Variants in TMPRSS6 observed in about 807,000 individuals in gnomAD.
TMPRSS6 encodes transmembrane serine protease 6.
In TMPRSS6, 67 loss-of-function variants were observed where a neutral mutation model predicts 101.5. The ratio of observed to expected loss-of-function variants is 0.66; its 90% CI spans 0.54 to 0.81. TMPRSS6 has a LOEUF of 0.81. Ranked by LOEUF, TMPRSS6 falls within the 30% of genes least tolerant of loss-of-function variation. TMPRSS6 has a pLI of 0.00. For synonymous variants in TMPRSS6, 453 were observed against 464.9 expected (o/e 0.97, Z 0.33); for missense variants, 1,034 against 1,088.7 (o/e 0.95, Z 0.71).
In TMPRSS6 at chr22:37,107,465, G is replaced by A. The variant is rs886267430; in HGVS notation, c.-2+2038C>T. On this transcript the variant is annotated intron_variant, in intron 1 of 17. Transcript: ENST00000676104. ...AAGCCTGTGGCCCTACCTTCCAAAT[G>A]CCCCCCAAAGCCAGCCCCTTCTTGG... Among the ~76,000 whole-genome samples the A allele has an allele frequency of 8.5e-5, 11 of 129,394 alleles. No homozygotes were observed. The East Asian group carries it at 2.0e-3, about 23-fold the overall frequency. 84.9% of individuals were successfully genotyped at this position (129,394 alleles called of 152,430 possible).
chr22:37,097,490 G>T (rs989502757), intron 3 of TMPRSS6, among the ~76,000 whole-genome samples: 2 of 152,232 alleles, frequency 1.3e-5, no homozygotes, highest in Non-Finnish European at 2.9e-5. Context: ...AAGAAGCTGC[G>T]GTATTGATCC....
chr22:37,106,191 C>A (rs1417741831), intron 1 of TMPRSS6, among the ~76,000 whole-genome samples: 2 of 152,102 alleles, frequency 1.3e-5, no homozygotes. Context: ...GCTAAGGTCA[C>A]ACAGCTGGTC....
intron 5 of TMPRSS6, 107 bp from the exon 6 acceptor site, chr22:37,095,699 T>C: frequency 1.5e-6 from 2 of 1,330,588 alleles, no homozygotes; most frequent in South Asian, 2.6e-5. Flanking sequence ...GCCAGCCTTG[T>C]CTGAGATTTA....
intron 9 of TMPRSS6, 108 bp from the exon 10 acceptor site, chr22:37,084,512 A>G (rs1928535519): frequency 2.2e-6 from 2 of 916,438 alleles, no homozygotes; most frequent in Non-Finnish European, 3.5e-6. Flanking sequence ...AGGTGGGGCT[A>G]AAGTCTGTCA....
In TMPRSS6 at chr22:37,070,630, G is replaced by A; in HGVS notation, c.1695C>T (p.Ser565=). Residue 565 remains serine (S), a synonymous_variant, in exon 15 of 18, where the codon TCC becomes TCT. Coordinates refer to ENST00000676104, the MANE Select transcript of TMPRSS6 (RefSeq NM_001374504.1). ...ACACAGCTCCACCAACAATGCGGCT[G>A]GAGGGGCCCTGGAGGCCACAGTCTG... The part of the protein sequence containing the change: ...EHCDCGLQGP[S]SRIVGGAVSS... 1 of 1,613,128 alleles carries A rather than the reference G, an allele frequency of 6.2e-7. No homozygotes were observed. The highest frequency in any genetic ancestry group is 8.5e-7 in the Non-Finnish European group (1 of 1,179,972).
intron 16 of TMPRSS6, among the ~76,000 whole-genome samples, chr22:37,067,504 G>T: frequency 6.6e-6 from 1 of 152,126 alleles, no homozygotes; most frequent in East Asian, 1.9e-4. Flanking sequence ...AAAAGCCCGT[G>T]TGGATGAGTG....
chr22:37,069,448 A>G lies in TMPRSS6; in HGVS notation c.1842-104T>C. On this transcript the variant is annotated intron_variant, in intron 15 of 17. Transcript: ENST00000676104. The surrounding 1 kb of genome is among the most constrained non-coding windows in gnomAD (Gnocchi z 4.8). ...AGATAGCCAGATCCCCGCCCGGGAC[A>G]GTGCCCTCCACACCCAGCCCTCCCT... 2 of 1,144,638 alleles carry G rather than the reference A, an allele frequency of 1.7e-6. No homozygotes were observed. The highest frequency in any genetic ancestry group is 2.5e-6 in the Non-Finnish European group (2 of 810,364). 70.9% of individuals were successfully genotyped at this position (1,144,638 alleles called of 1,614,324 possible).
chr22:37,106,295 GA>G (rs879756100), intron 1 of TMPRSS6, among the ~76,000 whole-genome samples: 4 of 152,060 alleles, frequency 2.6e-5, no homozygotes, highest in Non-Finnish European at 5.9e-5. Context: ...TCAGTGTAAA[GA>G]GAGGGAAACT....
intron 1 of TMPRSS6, among the ~76,000 whole-genome samples, chr22:37,108,732 T>C (rs1930869728): frequency 6.6e-6 from 1 of 152,172 alleles, no homozygotes; most frequent in Admixed American, 6.5e-5. Context: ...CTCTATTTAA[T>C]GGCTGGGGAA....
chr22:37,079,023 G>GAAAGAAAGAAAGAGAA (rs1928045344), intron 10 of TMPRSS6, among the ~76,000 whole-genome samples: 3 of 147,560 alleles, frequency 2.0e-5, no homozygotes, highest in South Asian at 2.2e-4. Flanking sequence ...GAAAGAGAAA[G>GAAAGAAAGAAAGAGAA]AGAGAAAGAA....
chr22:37,099,426 T>C (rs1004896005), intron 2 of TMPRSS6, among the ~76,000 whole-genome samples: 6 of 152,176 alleles, frequency 3.9e-5, no homozygotes, highest in Non-Finnish European at 8.8e-5. Context: ...AAATCAGGAA[T>C]GATGTCATCA....
intron 6 of TMPRSS6, 126 bp downstream of exon 6, chr22:37,095,425 T>TGGG: frequency 8.3e-7 from 1 of 1,206,570 alleles, no homozygotes; most frequent in Non-Finnish European, 1.2e-6. Flanking sequence ...TGGCATCCCC[T>TGGG]GGGTGACTCT....
At chr22:37,095,103 G>T (rs1469702869) in intron 6 of TMPRSS6, among the ~76,000 whole-genome samples, 1 of 152,220 alleles carries the variant, frequency 6.6e-6, no homozygotes, top group Non-Finnish European at 1.5e-5. Flanking sequence ...GGAAAAGAGG[G>T]AAGGAGCGTT....
intron 2 of TMPRSS6, among the ~76,000 whole-genome samples, chr22:37,099,389 T>C (rs757658711): frequency 5.7e-4 from 87 of 152,318 alleles, no homozygotes; most frequent in Non-Finnish European, 7.2e-4. Flanking sequence ...CTTTACCCGA[T>C]GAACAAGGGT....
intron 6 of TMPRSS6, among the ~76,000 whole-genome samples, chr22:37,095,131 C>T (rs765498093): frequency 1.3e-5 from 2 of 152,094 alleles, no homozygotes; most frequent in Non-Finnish European, 2.9e-5. Context: ...GCAATGGCAC[C>T]GCTACCTCCA....
intron 10 of TMPRSS6, among the ~76,000 whole-genome samples, chr22:37,077,948 A>C (rs995271230): frequency 1.3e-5 from 2 of 152,210 alleles, no homozygotes; most frequent in Non-Finnish European, 2.9e-5. Context: ...CCAGCCCAGC[A>C]GGGCCGGTGG....
At position 37,084,395 on chromosome 22, in the gene TMPRSS6, G is replaced by T. The variant is rs777790042; in HGVS notation, c.1096C>A (p.Leu366Met). The change falls in exon 10 of 18, where the codon CTG (leucine) becomes ATG (methionine). Residue 366 changes from leucine to methionine, a missense_variant. Physicochemically the swap from Leu to Met is conservative, Grantham distance 15. Coordinates refer to ENST00000676104, the MANE Select transcript of TMPRSS6 (RefSeq NM_001374504.1). Reference sequence around the variant, plus strand: ...AACCAGAGGGCCAAGCCGTAGTCCAGAGAGGGCACCTGGGAGGGAGGAGCG... The same window carrying T: ...AACCAGAGGGCCAAGCCGTAGTCCATAGAGGGCACCTGGGAGGGAGGAGCG... Reference protein sequence around the residue: ...HCSWHLTVPSLDYGLALWFDA... With the variant: ...HCSWHLTVPSMDYGLALWFDA... 1.2e-6 allele frequency: 2 copies of T among 1,611,974 alleles called. No individual in the cohort carries two copies. Among genetic ancestry groups the T allele is most frequent in the South Asian group, 2.2e-5 (2 of 90,592 alleles).
intron 7 of TMPRSS6, among the ~76,000 whole-genome samples, chr22:37,088,358 G>A (rs772274103): frequency 5.9e-5 from 9 of 152,142 alleles, no homozygotes; most frequent in East Asian, 1.9e-4. Context: ...CAAAGACTGC[G>A]CTTGATCTGA....
chr22:37,104,953 T>C (rs1930616715), intron 1 of TMPRSS6, among the ~76,000 whole-genome samples: 2 of 145,624 alleles, frequency 1.4e-5, no homozygotes, highest in African/African-American at 2.6e-5. Context: ...AGAGCAAGAC[T>C]CTGCTTGAGA....
Sources: allele counts gnomAD v4.1 joint callset (sites outside exome capture counted in the v4.1 genomes callset), GRCh38; gene constraint gnomAD v4.1.1; non-coding constraint Gnocchi (gnomAD v3.1); transcripts MANE v1.5; gene names NCBI Gene and HGNC (gene_info 2026-07-23, HGNC 2026-07-21).